ZNF236: variants seen among roughly 807,000 people sequenced by gnomAD.
The protein encoded by ZNF236 is regulated by glucose.
A neutral mutation model predicts 191.2 loss-of-function variants in ZNF236; 50 were observed. The observed-to-expected ratio is 0.26, with a 90% CI of 0.21 to 0.33. ZNF236 has a LOEUF of 0.33. ZNF236 is among the 10% of genes least tolerant of loss of function. The pLI, the probability that ZNF236 is intolerant of heterozygous loss-of-function variation, is 1.00. For missense variants in ZNF236, 1,754 were observed against 2,374.5 expected (o/e 0.74, Z 5.43); for synonymous variants, 907 against 928.8 (o/e 0.98, Z 0.43).
chr18:76,942,986 G>A lies in ZNF236; in HGVS notation c.4783-4535G>A, dbSNP rs1370086658. Among the ~76,000 whole-genome samples, 4 of 150,666 alleles carry A rather than the reference G, an allele frequency of 2.7e-5. No homozygotes were observed. The South Asian group carries it at 6.3e-4, about 24-fold the overall frequency. On this transcript the variant is annotated intron_variant, in intron 26 of 30. Coordinates refer to ENST00000320610, the MANE Select transcript of ZNF236 (RefSeq NM_001306089.2). ...AAAATACAAAAAATTAGCCAGGCGT[G>A]GTGGCGGGCACCTGTGGTCCCAGCT...
At chr18:76,850,449 T>C (rs554527421) in intron 2 of ZNF236, among the ~76,000 whole-genome samples, 1 of 152,346 alleles carries the variant, frequency 6.6e-6, no homozygotes, top group South Asian at 2.1e-4. Flanking sequence ...TACTGACTTA[T>C]TCCTCATTAG....
In ZNF236 at chr18:76,971,180, T is replaced by C. The variant is rs1357861997; in HGVS notation, c.*2841T>C. 6.6e-6 allele frequency among the ~76,000 whole-genome samples: 1 copy of C among 152,114 alleles called. No individual in the cohort carries two copies. The highest frequency in any genetic ancestry group is 1.9e-4 in the East Asian group (1 of 5,200). ...CAGGAGGCATGTAGCATGTGTGGAG[T>C]CCCACCTGCTAGATAATGCCCAAGC... On this transcript the variant is annotated 3_prime_UTR_variant, in exon 31 of 31. Transcript: ENST00000320610.
chr18:76,896,712 G>A (rs1049936999), intron 10 of ZNF236, among the ~76,000 whole-genome samples: 1 of 151,144 alleles, frequency 6.6e-6, no homozygotes, highest in Non-Finnish European at 1.5e-5. Flanking sequence ...ACTCACACAG[G>A]CACTGCCCAC....
intron 11 of ZNF236, 120 bp from the exon 12 acceptor site, chr18:76,904,260 C>A: frequency 1.1e-6 from 1 of 906,652 alleles, no homozygotes; most frequent in Non-Finnish European, 1.5e-6. Context: ...AACATAGTTG[C>A]AACATTAGAA....
intron 1 of ZNF236, among the ~76,000 whole-genome samples, chr18:76,844,735 C>T (rs774365701): frequency 1.2e-4 from 19 of 152,194 alleles, no homozygotes; most frequent in South Asian, 2.1e-4. Flanking sequence ...TGTTGGAACT[C>T]GGCATCCAGT....
chr18:76,942,161 AT>A (rs1968147795), intron 26 of ZNF236, among the ~76,000 whole-genome samples: 1 of 152,250 alleles, frequency 6.6e-6, no homozygotes. Flanking sequence ...ATGATTTAAT[AT>A]TACTTCCTTA....
chr18:76,868,415 C>T (rs1290790895), intron 3 of ZNF236, among the ~76,000 whole-genome samples: 1 of 152,202 alleles, frequency 6.6e-6, no homozygotes, highest in African/African-American at 2.4e-5. Context: ...AAGCAGAACT[C>T]ATTTTGCTCA....
At chr18:76,841,352 G>A (rs1280903945) in intron 1 of ZNF236, among the ~76,000 whole-genome samples, 4 of 152,212 alleles carry the variant, frequency 2.6e-5, no homozygotes, top group Non-Finnish European at 5.9e-5. Context: ...GATTACAGGC[G>A]TGAGCCTCCG....
At chr18:76,845,493 T>G (rs1599324312) in intron 1 of ZNF236, among the ~76,000 whole-genome samples, 1 of 152,150 alleles carries the variant, frequency 6.6e-6, no homozygotes, top group Non-Finnish European at 1.5e-5. Flanking sequence ...TATTCTGACT[T>G]GGGAGGCATT....
At chr18:76,856,641 T>A (rs1459758921) in intron 3 of ZNF236, among the ~76,000 whole-genome samples, 2 of 152,076 alleles carry the variant, frequency 1.3e-5, no homozygotes, top group Non-Finnish European at 2.9e-5. Flanking sequence ...TTATTTTAAT[T>A]AAGTAATTTT....
At chr18:76,961,763 G>A (rs1438203244) in intron 30 of ZNF236, among the ~76,000 whole-genome samples, 1 of 151,664 alleles carries the variant, frequency 6.6e-6, no homozygotes, top group Non-Finnish European at 1.5e-5. Context: ...GGCCATTCTT[G>A]CGTGAGTAAA....
At position 76,910,795 on chromosome 18, in the gene ZNF236, C is replaced by T; in HGVS notation, c.2789C>T (p.Ser930Phe). 1 of 1,614,110 alleles carries T rather than the reference C, an allele frequency of 6.2e-7. No homozygotes were observed. Among genetic ancestry groups the T allele is most frequent in the South Asian group, 1.1e-5 (1 of 91,076 alleles). The change falls in exon 16 of 31, where the codon TCT becomes TTT. Residue 930 changes from serine to phenylalanine, a missense_variant. Around this residue, in one of 5 missense-constraint regions of ZNF236, gnomAD observed 641 missense variants for 869.6 expected, o/e 0.74. Transcript: ENST00000320610. ...HQQSLLQAPS[S>F]DGMNVTTRLI... ...CAGAGCTTGCTGCAGGCTCCCAGCT[C>T]TGATGGGATGAATGTAGTGAGTATG...
chr18:76,942,905 C>T lies in ZNF236; in HGVS notation c.4783-4616C>T, dbSNP rs182119992. On this transcript the variant is annotated intron_variant, in intron 26 of 30. Coordinates refer to ENST00000320610, the MANE Select transcript of ZNF236 (RefSeq NM_001306089.2). ...TTGGGAGGCCGAGGCGGGCGGATCA[C>T]GAGGTCAGGAGATCCAGACCATCCT... 5.3e-3 allele frequency among the ~76,000 whole-genome samples: 786 copies of T among 149,214 alleles called. 9 individuals carry two copies. The highest frequency in any genetic ancestry group is 0.018 in the African/African-American group (734 of 41,018).
At chr18:76,864,196 CTTTTTTTTTT>C (rs1202084465) in intron 3 of ZNF236, among the ~76,000 whole-genome samples, 3 of 132,176 alleles carry the variant, frequency 2.3e-5, no homozygotes, top group Non-Finnish European at 4.9e-5. Flanking sequence ...CAACAAATAT[CTTTTTTTTTT>C]TTTTTTTTTT....
At chr18:76,840,164 G>A (rs757560889) in intron 1 of ZNF236, among the ~76,000 whole-genome samples, 1 of 152,196 alleles carries the variant, frequency 6.6e-6, no homozygotes, top group Non-Finnish European at 1.5e-5. Flanking sequence ...AGGTAGTAAA[G>A]CAAGTATTTC....
intron 4 of ZNF236, 109 bp downstream of exon 4, chr18:76,868,972 G>A (rs1321000251): frequency 8.7e-6 from 9 of 1,030,354 alleles, no homozygotes; most frequent in Non-Finnish European, 1.2e-5. Flanking sequence ...CAGCAAAGTG[G>A]AACCCCACAG....
At chr18:76,864,493 C>T (rs1011735419) in intron 3 of ZNF236, among the ~76,000 whole-genome samples, 4 of 152,102 alleles carry the variant, frequency 2.6e-5, no homozygotes, top group African/African-American at 4.8e-5. Context: ...AGCCACCGCA[C>T]CTGGCCAACA....
At chr18:76,962,691 ATGGGATGTGTTTCCAT>A (rs1968693183) in intron 30 of ZNF236, among the ~76,000 whole-genome samples, 1 of 152,236 alleles carries the variant, frequency 6.6e-6, no homozygotes, top group Non-Finnish European at 1.5e-5. Flanking sequence ...AACCATGAGC[ATGGGATGTGTTTCCAT>A]TTGTTTGGGT....
In ZNF236 at chr18:76,959,794, G is replaced by A; in HGVS notation, c.5220G>A (p.Glu1740=). 6.2e-7 allele frequency: 1 copy of A among 1,614,114 alleles called. No homozygotes were observed. The highest frequency in any genetic ancestry group is 8.5e-7 in the Non-Finnish European group (1 of 1,180,006). The part of the protein sequence containing the change: ...EKAFAKPSQL[E]RHSRIHTGER... ...CATTTGCCAAACCAAGCCAGCTGGA[G>A]CGCCACAGCCGCATACATACAGGTA... Residue 1740 remains glutamate (E), a synonymous_variant, in exon 29 of 31, where the codon GAG becomes GAA. Coordinates refer to ENST00000320610, the MANE Select transcript of ZNF236 (RefSeq NM_001306089.2).
Sources: allele counts gnomAD v4.1 joint callset (sites outside exome capture counted in the v4.1 genomes callset), GRCh38; gene constraint gnomAD v4.1.1; regional missense constraint gnomAD v4.1.1; transcripts MANE v1.5; gene names NCBI Gene and HGNC (gene_info 2026-07-23, HGNC 2026-07-21).